The following PTPRG variants were observed in gnomAD, a reference collection of about 807,000 sequenced individuals.
PTPRG encodes protein tyrosine phosphatase receptor type G.
PTPRG carries 102 observed loss-of-function variants against 165.3 expected under a neutral mutation model. The ratio of observed to expected loss-of-function variants is 0.62; its 90% CI spans 0.53 to 0.73. The LOEUF is 0.73. Among genes scored for constraint, PTPRG ranks in the 30% least tolerant of loss-of-function variants. The pLI is 0.00. For missense variants in PTPRG, 1,866 were observed against 1,861.4 expected (o/e 1.00, Z -0.05); for synonymous variants, 675 against 669.5 (o/e 1.01, Z -0.13).
Position 61,562,336 on chromosome 3 carries a change from AC to A in PTPRG, c.51del (p.Ser18ValfsTer13). 6.2e-7 allele frequency: 1 copy of A among 1,613,670 alleles called. No individual in the cohort carries two copies. The highest frequency in any genetic ancestry group is 2.2e-5 in the East Asian group (1 of 44,806). ...TTGGTGGATTTTGTTCCTGAAAATCACCAGTTCCGTGCTCCATTATGTCGTG... is the reference window on the plus strand; with the variant it reads ...TTGGTGGATTTTGTTCCTGAAAATCACAGTTCCGTGCTCCATTATGTCGTG... ...PCWWILFLKI[T>X]SSVLHYVVCF... On this transcript the variant is annotated frameshift_variant, in exon 1 of 30. Coordinates refer to ENST00000474889, the MANE Select transcript of PTPRG (RefSeq NM_002841.4). LOFTEE classifies it high-confidence loss of function.
chr3:61,828,863 C>T (rs1044670759), intron 2 of PTPRG, among the ~76,000 whole-genome samples: 1 of 152,100 alleles, frequency 6.6e-6, no homozygotes, highest in African/African-American at 2.4e-5. Context: ...TTATTTGGGC[C>T]AATAACCTAT....
chr3:61,626,011 G>GT (rs1368296932), intron 1 of PTPRG, among the ~76,000 whole-genome samples: 464 of 117,816 alleles, frequency 3.9e-3, no homozygotes, highest in African/African-American at 9.6e-3. Context: ...GGGTTTGTTT[G>GT]TTTTTTTTTT....
intron 2 of PTPRG, among the ~76,000 whole-genome samples, chr3:61,830,765 G>C (rs866916733): frequency 6.6e-6 from 1 of 151,754 alleles, no homozygotes; most frequent in Non-Finnish European, 1.5e-5. Flanking sequence ...GTAGAGATGG[G>C]GATTCTCCAT....
At chr3:61,575,324 C>G (rs1314005499) in intron 1 of PTPRG, among the ~76,000 whole-genome samples, 2 of 151,974 alleles carry the variant, frequency 1.3e-5, no homozygotes, top group Non-Finnish European at 2.9e-5. Flanking sequence ...TGCCTTGGAA[C>G]CTTTAAATGG....
chr3:61,860,193 T>C (rs1224812198), intron 2 of PTPRG, among the ~76,000 whole-genome samples: 3 of 152,102 alleles, frequency 2.0e-5, no homozygotes, highest in African/African-American at 7.2e-5. Flanking sequence ...GGATATGAAA[T>C]TGAAACAGTT....
intron 13 of PTPRG, among the ~76,000 whole-genome samples, chr3:62,226,424 A>G (rs1700765686): frequency 6.6e-6 from 1 of 152,262 alleles, no homozygotes; most frequent in Non-Finnish European, 1.5e-5. Flanking sequence ...TTATATTTTC[A>G]GGTGTTCTGG....
intron 1 of PTPRG, among the ~76,000 whole-genome samples, chr3:61,747,728 T>G (rs2033266050): frequency 6.6e-6 from 1 of 152,208 alleles, no homozygotes; most frequent in Admixed American, 6.5e-5. Context: ...CAGAATGCGT[T>G]GTGTTTTCCT....
At chr3:61,590,225 A>AAT (rs1700534183) in intron 1 of PTPRG, among the ~76,000 whole-genome samples, 1 of 151,424 alleles carries the variant, frequency 6.6e-6, no homozygotes, top group African/African-American at 2.4e-5. Flanking sequence ...TTTAATCAAA[A>AAT]AAAAAAAAAA....
At chr3:62,287,582 CAGA>C (rs930708214) in intron 28 of PTPRG, among the ~76,000 whole-genome samples, 2 of 152,010 alleles carry the variant, frequency 1.3e-5, no homozygotes, top group African/African-American at 4.8e-5. Context: ...AAGTCACATA[CAGA>C]AGTTCTAACA....
Position 61,939,506 on chromosome 3 carries a change from A to G in PTPRG, c.191-50119A>G, listed in dbSNP as rs146917674. Reference sequence around the variant, plus strand: ...GGCAAATACACAGAAACTGCTGAAGATTTTATAAGATTGTTTAAGGTTTAG... The same window carrying G: ...GGCAAATACACAGAAACTGCTGAAGGTTTTATAAGATTGTTTAAGGTTTAG... On this transcript the variant is annotated intron_variant, in intron 2 of 29. Transcript: ENST00000474889. Among the ~76,000 whole-genome samples, 207 of 152,338 alleles carry G rather than the reference A, an allele frequency of 1.4e-3. 1 individual carries two copies. The highest frequency in any genetic ancestry group is 4.9e-3 in the African/African-American group (202 of 41,564).
At chr3:62,105,735 A>G (rs1302275244) in intron 5 of PTPRG, among the ~76,000 whole-genome samples, 1 of 152,188 alleles carries the variant, frequency 6.6e-6, no homozygotes, top group African/African-American at 2.4e-5. Flanking sequence ...CAAATCACAG[A>G]TTCTATAGTT....
rs1702592530 is a variant in PTPRG, at chr3:61,659,113, C to T, written c.86-89765C>T. Among the ~76,000 whole-genome samples the T allele has an allele frequency of 2.0e-5, 3 of 152,258 alleles. No homozygotes were observed. The East Asian group carries it at 5.8e-4, about 29-fold the overall frequency. The stretch of plus-strand genomic sequence containing the variant: ...AAGACCTAGCAGACACACCTTGGGG[C>T]CCCTCTAGCCTGAAAGCCTTTGGTA... On this transcript the variant is annotated intron_variant, in intron 1 of 29. Coordinates refer to ENST00000474889, the MANE Select transcript of PTPRG (RefSeq NM_002841.4).
intron 5 of PTPRG, 120 bp downstream of exon 5, chr3:62,078,378 G>T: frequency 1.6e-6 from 1 of 625,632 alleles, no homozygotes; most frequent in Non-Finnish European, 2.7e-6. Context: ...CCAAATGAAA[G>T]ATATTTCATA....
rs981464386 is a variant in PTPRG at position 61,697,720 on chromosome 3, A to T, written c.86-51158A>T. 2.6e-5 allele frequency among the ~76,000 whole-genome samples: 4 copies of T among 152,224 alleles called. No individual in the cohort carries two copies. The South Asian group carries it at 8.3e-4, about 32-fold the overall frequency. On this transcript the variant is annotated intron_variant, in intron 1 of 29. Transcript: ENST00000474889. Reference sequence around the variant, plus strand: ...TTGGGCTCATTCATTCCCCCCTAAAAATCATTTATTGCTCCTTCAAAATTG... The same window carrying T: ...TTGGGCTCATTCATTCCCCCCTAAATATCATTTATTGCTCCTTCAAAATTG...
At chr3:61,646,115 T>C (rs1374383940) in intron 1 of PTPRG, among the ~76,000 whole-genome samples, 1 of 152,204 alleles carries the variant, frequency 6.6e-6, no homozygotes, top group Non-Finnish European at 1.5e-5. Flanking sequence ...CATCTTTTTT[T>C]ATTTTTTTGA....
At chr3:61,980,711 A>T (rs932876985) in intron 2 of PTPRG, among the ~76,000 whole-genome samples, 1 of 152,256 alleles carries the variant, frequency 6.6e-6, no homozygotes, top group Non-Finnish European at 1.5e-5. Flanking sequence ...AAAGGCAGTT[A>T]AAACTGAAAA....
chr3:61,814,458 A>G (rs2035695325), intron 2 of PTPRG, among the ~76,000 whole-genome samples: 1 of 152,138 alleles, frequency 6.6e-6, no homozygotes, highest in South Asian at 2.1e-4. Flanking sequence ...GTCTAGTGGT[A>G]ACTTGCTTTG....
intron 5 of PTPRG, among the ~76,000 whole-genome samples, chr3:62,092,063 GACAC>G (rs58689072): frequency 5.5e-4 from 63 of 114,940 alleles, no homozygotes; most frequent in African/African-American, 1.2e-3. Context: ...CTTATACATG[GACAC>G]ACACACACAC....
At chr3:61,603,830 A>G (rs958209739) in intron 1 of PTPRG, among the ~76,000 whole-genome samples, 1 of 152,084 alleles carries the variant, frequency 6.6e-6, no homozygotes, top group African/African-American at 2.4e-5. Context: ...CTGTGTTTTC[A>G]CATGCTCATC....
Sources: allele counts gnomAD v4.1 joint callset (sites outside exome capture counted in the v4.1 genomes callset), GRCh38; gene constraint gnomAD v4.1.1; transcripts MANE v1.5; gene names NCBI Gene and HGNC (gene_info 2026-07-23, HGNC 2026-07-21).